DLG2: variants seen among roughly 807,000 people sequenced by gnomAD.
The protein encoded by DLG2 is disks large homolog 2.
Under a neutral mutation model 132.5 loss-of-function variants are expected in DLG2, and 45 were observed. The ratio of observed to expected loss-of-function variants is 0.34; its 90% CI spans 0.27 to 0.44. The LOEUF (loss-of-function observed/expected upper bound fraction) is 0.44, where lower values mean the gene tolerates loss of function less well. DLG2 is among the 20% of genes least tolerant of loss of function. The probability of loss-of-function intolerance (pLI) is 1.00; values close to 1 mark genes in which losing one functional copy is unlikely to be tolerated. For missense variants in DLG2, 1,045 were observed against 1,196.9 expected, an observed-to-expected ratio of 0.87 and a Z score of 1.87; for synonymous variants, 424 against 419.6, an observed-to-expected ratio of 1.01 and a Z score of -0.13.
At chr11:84,298,719 T>C (rs933462083) in intron 7 of DLG2, among the ~76,000 whole-genome samples, 1 of 152,104 alleles carries the variant, frequency 6.6e-6, no homozygotes, top group Non-Finnish European at 1.5e-5. Context: ...ACATTAGAAA[T>C]GATCCTTGAA....
At chr11:83,522,426 T>C (rs2095504461) in intron 21 of DLG2, among the ~76,000 whole-genome samples, 2 of 151,944 alleles carry the variant, frequency 1.3e-5, no homozygotes, top group Admixed American at 1.3e-4. Flanking sequence ...TACAGGAAAC[T>C]CAAAACCTAT....
chr11:83,509,043 A>G (rs542963987), intron 21 of DLG2, among the ~76,000 whole-genome samples: 8 of 152,340 alleles, frequency 5.3e-5, no homozygotes, highest in African/African-American at 1.9e-4. Context: ...AGTTTGTTCA[A>G]ATGTAGTCAC....
At chr11:83,472,653 ACTCTTTCC>A (rs2092196239) in intron 23 of DLG2, 66 bp downstream of exon 23, 1 of 1,341,582 alleles carries the variant, frequency 7.5e-7, no homozygotes, top group Non-Finnish European at 1.1e-6. Context: ...TTAGTCCTTC[ACTCTTTCC>A]CTCCTTCAAT....
chr11:84,760,700 G>C (rs74687955), intron 6 of DLG2, among the ~76,000 whole-genome samples: 5 of 152,234 alleles, frequency 3.3e-5, no homozygotes, highest in Admixed American at 6.5e-5. Context: ...ACAATAACTT[G>C]TTTTTCTCTG....
intron 7 of DLG2, among the ~76,000 whole-genome samples, chr11:84,419,271 C>A (rs1452800204): frequency 6.6e-6 from 1 of 152,098 alleles, no homozygotes; most frequent in Non-Finnish European, 1.5e-5. Context: ...AATTAAAATC[C>A]ATTTAAAGTT....
intron 7 of DLG2, among the ~76,000 whole-genome samples, chr11:84,461,165 C>T (rs544711539): frequency 6.6e-6 from 1 of 150,988 alleles, no homozygotes; most frequent in African/African-American, 2.4e-5. Flanking sequence ...GGAGTTATTG[C>T]TATTACTTGT....
At chr11:84,775,423 G>T (rs904052235) in intron 6 of DLG2, among the ~76,000 whole-genome samples, 5 of 151,976 alleles carry the variant, frequency 3.3e-5, no homozygotes, top group African/African-American at 1.2e-4. Flanking sequence ...CGCATTAGTG[G>T]GTATATATCC....
intron 6 of DLG2, among the ~76,000 whole-genome samples, chr11:84,867,800 C>A (rs957545546): frequency 6.6e-6 from 1 of 152,112 alleles, no homozygotes; most frequent in Non-Finnish European, 1.5e-5. Flanking sequence ...TGGGGCCGGA[C>A]GTGGTGGCTC....
chr11:85,121,362 G>A (rs2074292873), intron 5 of DLG2, among the ~76,000 whole-genome samples: 3 of 150,096 alleles, frequency 2.0e-5, no homozygotes, highest in Admixed American at 2.0e-4. Flanking sequence ...CATTAATATT[G>A]TTATTCTTTT....
chr11:85,434,301 A>C (rs992444404), intron 3 of DLG2, among the ~76,000 whole-genome samples: 2 of 151,810 alleles, frequency 1.3e-5, no homozygotes, highest in African/African-American at 2.4e-5. Flanking sequence ...AAGCTAGCAG[A>C]AGAAGAGAAA....
At chr11:85,391,855 G>T (rs2086825319) in intron 3 of DLG2, among the ~76,000 whole-genome samples, 1 of 152,112 alleles carries the variant, frequency 6.6e-6, no homozygotes, top group African/African-American at 2.4e-5. Flanking sequence ...AAAGTTGAAA[G>T]CATCCCTGCT....
intron 7 of DLG2, among the ~76,000 whole-genome samples, chr11:84,380,667 T>C (rs965684883): frequency 4.6e-5 from 7 of 151,594 alleles, no homozygotes; most frequent in African/African-American, 7.3e-5. Flanking sequence ...CAAAGTAAGA[T>C]GTTAGGGGGA....
At chr11:84,326,078 A>T (rs2098429829) in intron 7 of DLG2, among the ~76,000 whole-genome samples, 1 of 152,084 alleles carries the variant, frequency 6.6e-6, no homozygotes, top group African/African-American at 2.4e-5. Flanking sequence ...TATAACCAGT[A>T]GTAACATAAC....
chr11:84,466,010 AG>A (rs980503337), intron 7 of DLG2, among the ~76,000 whole-genome samples: 1 of 151,248 alleles, frequency 6.6e-6, no homozygotes, highest in African/African-American at 2.4e-5. Context: ...TACAGAAATA[AG>A]GTTGAGAAAA....
intron 6 of DLG2, among the ~76,000 whole-genome samples, chr11:84,626,847 A>ATATTTTATTTTATTT (rs1555110160): frequency 0.012 from 1,774 of 144,036 alleles, 47 homozygotes; most frequent in African/African-American, 0.041. Flanking sequence ...CATCAATTAC[A>ATATTTTATTTTATTT]TATTTTATTT....
Position 83,507,713 on chromosome 11 carries a change from G to T in DLG2, c.2194-23485C>A, listed in dbSNP as rs1370820536. Among the ~76,000 whole-genome samples, 6 of 141,322 alleles carry T rather than the reference G, an allele frequency of 4.2e-5. No individual in the cohort carries two copies. In the Admixed American group the frequency reaches 4.4e-4, roughly 10 times the overall value. 92.7% of individuals were successfully genotyped at this position (141,322 alleles called of 152,430 possible). On this transcript the variant is annotated intron_variant, in intron 21 of 27. Coordinates refer to ENST00000376104, the MANE Select transcript of DLG2 (RefSeq NM_001142699.3). ...GGCACTAATCTCCATAATCCCTCCA[G>T]GGATGCGATATTGTTTTTTATTTAT...
intron 6 of DLG2, chr11:84,546,518 T>A (rs2099390232): frequency 3.1e-6 from 1 of 321,646 alleles, no homozygotes; most frequent in Non-Finnish European, 6.2e-6. Context: ...GATACAGCCA[T>A]CAACAAATAT....
intron 3 of DLG2, chr11:85,452,802 T>G (rs1456847990): frequency 6.4e-6 from 1 of 157,168 alleles, no homozygotes; most frequent in Non-Finnish European, 1.4e-5. Context: ...CTCCAAGATT[T>G]CCTGGAAAGC....
chr11:83,553,889 C>CTTTTTTTTTT, intron 19 of DLG2, among the ~76,000 whole-genome samples: 1 of 142,888 alleles, frequency 7.0e-6, no homozygotes, highest in Non-Finnish European at 1.5e-5. Flanking sequence ...ACAATCTTTT[C>CTTTTTTTTTT]TTTTTTTTTC....
Sources: allele counts gnomAD v4.1 joint callset (sites outside exome capture counted in the v4.1 genomes callset), GRCh38; gene constraint gnomAD v4.1.1; transcripts MANE v1.5; gene names NCBI Gene and HGNC (gene_info 2026-07-23, HGNC 2026-07-21).